Variants in ST3GAL3 observed in about 807,000 individuals in gnomAD.
ST3GAL3 encodes CMP-N-acetylneuraminate-beta-1,4-galactoside alpha-2,3-sialyltransferase.
A neutral mutation model predicts 50.1 loss-of-function variants in ST3GAL3; 21 were observed. The ratio of observed to expected loss-of-function variants is 0.42; its 90% CI spans 0.30 to 0.60. ST3GAL3 has a LOEUF of 0.60. ST3GAL3 is among the 20% of genes least tolerant of loss of function. ST3GAL3 has a pLI of 0.19. For missense variants in ST3GAL3, 353 were observed against 489.4 expected (o/e 0.72, Z 2.63); for synonymous variants, 183 against 190.0 (o/e 0.96, Z 0.30).
At chr1:43,846,011 T>C (rs1011108933) in intron 5 of ST3GAL3, among the ~76,000 whole-genome samples, 15 of 152,226 alleles carry the variant, frequency 9.9e-5, no homozygotes, top group South Asian at 6.2e-4. Context: ...CGTTATATGA[T>C]TTTAATACTT....
chr1:43,902,098 A>G, intron 9 of ST3GAL3, among the ~76,000 whole-genome samples: 1 of 152,192 alleles, frequency 6.6e-6, no homozygotes, highest in Non-Finnish European at 1.5e-5. Flanking sequence ...AGACCCAGGA[A>G]AATGTGAGAG....
chr1:43,765,963 A>C (rs985758719), intron 2 of ST3GAL3, among the ~76,000 whole-genome samples: 5 of 152,054 alleles, frequency 3.3e-5, no homozygotes, highest in African/African-American at 1.2e-4. Flanking sequence ...TGCTGCAGGG[A>C]AGCACATGAG....
chr1:43,919,064 TG>T (rs2082568521), intron 9 of ST3GAL3: 3 of 129,426 alleles, frequency 2.3e-5, no homozygotes, highest in Non-Finnish European at 5.0e-5. Flanking sequence ...TTCCTTTCTT[TG>T]TTTCTTTTTT....
chr1:43,863,221 T>C (rs933021315), intron 5 of ST3GAL3, among the ~76,000 whole-genome samples: 10 of 152,138 alleles, frequency 6.6e-5, no homozygotes, highest in African/African-American at 9.7e-5. Context: ...TTTGGTTGGG[T>C]ACTCCCTCAC....
At chr1:43,729,683 G>A (rs970013102) in intron 1 of ST3GAL3, among the ~76,000 whole-genome samples, 11 of 152,126 alleles carry the variant, frequency 7.2e-5, no homozygotes, top group Admixed American at 1.3e-4. Flanking sequence ...ACCTCATTTT[G>A]TTTATGGATG....
intron 11 of ST3GAL3, among the ~76,000 whole-genome samples, chr1:43,926,365 G>A (rs928037433): frequency 1.3e-5 from 2 of 152,176 alleles, no homozygotes; most frequent in Non-Finnish European, 2.9e-5. Flanking sequence ...AAGGCGGATG[G>A]ATCATCTGAG....
At chr1:43,773,339 T>G (rs543180250) in intron 2 of ST3GAL3, among the ~76,000 whole-genome samples, 1 of 152,340 alleles carries the variant, frequency 6.6e-6, no homozygotes, top group South Asian at 2.1e-4. Flanking sequence ...ATCTCAGTGT[T>G]GTCTTACTGA....
At chr1:43,752,792 TCAA>T (rs1316595386) in intron 2 of ST3GAL3, among the ~76,000 whole-genome samples, 8 of 152,204 alleles carry the variant, frequency 5.3e-5, no homozygotes, top group African/African-American at 1.7e-4. Context: ...CCACGTCCAG[TCAA>T]CAAGTTTTCT....
chr1:43,866,391 A>G (rs904550278), intron 5 of ST3GAL3, among the ~76,000 whole-genome samples: 6 of 152,164 alleles, frequency 3.9e-5, no homozygotes, highest in African/African-American at 1.4e-4. Flanking sequence ...AGCCTGGGCA[A>G]CATGCTGAAA....
chr1:43,739,498 A>C (rs1679915888), intron 2 of ST3GAL3, among the ~76,000 whole-genome samples: 1 of 152,118 alleles, frequency 6.6e-6, no homozygotes, highest in South Asian at 2.1e-4. Context: ...TACAGGCATG[A>C]GCCACTGCAC....
At chr1:43,918,027 G>A (rs555118302) in intron 9 of ST3GAL3, among the ~76,000 whole-genome samples, 11 of 151,030 alleles carry the variant, frequency 7.3e-5, no homozygotes, top group Non-Finnish European at 2.9e-5. Flanking sequence ...AAGTCAAAAC[G>A]TGTCAGTCAA....
At chr1:43,777,079 T>C (rs976166093) in intron 2 of ST3GAL3, among the ~76,000 whole-genome samples, 2 of 152,178 alleles carry the variant, frequency 1.3e-5, no homozygotes, top group African/African-American at 4.8e-5. Flanking sequence ...ATTATATAGG[T>C]CCTGCTATCA....
chr1:43,736,416 C>T (rs149404491), intron 2 of ST3GAL3, 36 bp downstream of exon 2: 1 of 1,614,128 alleles, frequency 6.2e-7, no homozygotes, highest in Admixed American at 1.7e-5. Flanking sequence ...CCAGGAGAAG[C>T]CTGTTGCAGG....
intron 4 of ST3GAL3, among the ~76,000 whole-genome samples, chr1:43,822,188 A>C (rs982368178): frequency 6.6e-6 from 1 of 152,228 alleles, no homozygotes; most frequent in Non-Finnish European, 1.5e-5. Flanking sequence ...GGAATATGAC[A>C]CAACGAGCCA....
rs112947058 is a variant in ST3GAL3, at chr1:43,733,882, G to A, written c.-30-2351G>A. 2.8e-4 allele frequency among the ~76,000 whole-genome samples: 43 copies of A among 152,346 alleles called. 4 individuals are homozygous for A. The highest frequency in any genetic ancestry group is 8.2e-4 in the African/African-American group (34 of 41,576). On this transcript the variant is annotated intron_variant, in intron 1 of 11. Coordinates refer to ENST00000347631, the MANE Select transcript of ST3GAL3 (RefSeq NM_006279.5). ...TGTAATCCCAGCACTTTGGGAGGCCGAGGTGGGTGGATCACGAGGTCAGGA... is the reference window on the plus strand; with the variant it reads ...TGTAATCCCAGCACTTTGGGAGGCCAAGGTGGGTGGATCACGAGGTCAGGA...
At chr1:43,710,048 A>G (rs1663841652) in intron 1 of ST3GAL3, among the ~76,000 whole-genome samples, 1 of 151,940 alleles carries the variant, frequency 6.6e-6, no homozygotes, top group Non-Finnish European at 1.5e-5. Flanking sequence ...GTTGGGTGCC[A>G]GGTCTTGTTG....
intron 2 of ST3GAL3, among the ~76,000 whole-genome samples, chr1:43,788,039 G>A (rs1239246217): frequency 6.6e-6 from 1 of 152,186 alleles, no homozygotes; most frequent in East Asian, 1.9e-4. Flanking sequence ...TAAAATCCTA[G>A]AGCGGGATTC....
At chr1:43,789,849 A>G (rs2154150652) in intron 2 of ST3GAL3, among the ~76,000 whole-genome samples, 1 of 150,118 alleles carries the variant, frequency 6.7e-6, no homozygotes, top group East Asian at 2.0e-4. Context: ...ACTCCAGCCC[A>G]GGGGACAGGG....
chr1:43,921,802 G>A (rs1557569883), intron 11 of ST3GAL3: 3 of 398,636 alleles, frequency 7.5e-6, no homozygotes, highest in South Asian at 1.3e-4. Flanking sequence ...CTGATCTGTC[G>A]GGCTCTGCAC....
Sources: allele counts gnomAD v4.1 joint callset (sites outside exome capture counted in the v4.1 genomes callset), GRCh38; gene constraint gnomAD v4.1.1; transcripts MANE v1.5; gene names NCBI Gene and HGNC (gene_info 2026-07-23, HGNC 2026-07-21).